The following PPFIBP2 variants were observed in gnomAD, a reference collection of about 807,000 sequenced individuals.
The protein encoded by PPFIBP2 is PPFIB scaffold protein 2.
PPFIBP2 carries 118 observed loss-of-function variants against 118.3 expected under a neutral mutation model. The ratio of observed to expected loss-of-function variants is 1.00; its 90% CI spans 0.86 to 1.16. The LOEUF is 1.16. PPFIBP2 is among the 50% of genes most tolerant of loss of function. The pLI is 0.00. For missense variants in PPFIBP2, 1,195 were observed against 1,073.1 expected, an observed-to-expected ratio of 1.11 and a Z score of -1.59; for synonymous variants, 414 against 397.4, an observed-to-expected ratio of 1.04 and a Z score of -0.50.
intron 3 of PPFIBP2, among the ~76,000 whole-genome samples, chr11:7,582,612 C>G (rs1317244618): frequency 1.3e-5 from 2 of 152,056 alleles, no homozygotes; most frequent in Admixed American, 1.3e-4. Flanking sequence ...TTGACTCATC[C>G]CTGCTTTTCT....
intron 5 of PPFIBP2, among the ~76,000 whole-genome samples, chr11:7,608,875 C>G (rs897759373): frequency 2.0e-5 from 3 of 152,230 alleles, no homozygotes; most frequent in African/African-American, 7.2e-5. Context: ...ATTGGACGCA[C>G]TCATCTGGCT....
intron 1 of PPFIBP2, among the ~76,000 whole-genome samples, chr11:7,525,937 A>G (rs1168485120): frequency 6.6e-6 from 1 of 152,198 alleles, no homozygotes; most frequent in Non-Finnish European, 1.5e-5. Context: ...TCAGGTGGGC[A>G]AGGTGGGCAG....
chr11:7,549,392 C>T (rs771187391), intron 1 of PPFIBP2, 48 bp from the exon 2 acceptor site: 49 of 1,504,522 alleles, frequency 3.3e-5, no homozygotes, highest in Non-Finnish European at 4.2e-5. Flanking sequence ...GTGTGCGTAA[C>T]ATGGAACTCT....
chr11:7,631,619 C>T (rs1475171227), intron 11 of PPFIBP2, among the ~76,000 whole-genome samples: 1 of 152,086 alleles, frequency 6.6e-6, no homozygotes, highest in East Asian at 1.9e-4. Flanking sequence ...TAAACAAGAC[C>T]TCAGGTGAAG....
At chr11:7,590,275 C>G (rs760970778) in intron 3 of PPFIBP2, among the ~76,000 whole-genome samples, 1 of 152,216 alleles carries the variant, frequency 6.6e-6, no homozygotes, top group Non-Finnish European at 1.5e-5. Flanking sequence ...CATGAAAACA[C>G]ATGGCTCTGA....
At chr11:7,605,670 G>T (rs1447885691) in intron 5 of PPFIBP2, 1 of 1,281,420 alleles carries the variant, frequency 7.8e-7, no homozygotes. Context: ...TTGATAAGGA[G>T]AACAATGTTG....
At chr11:7,515,985 C>A (rs1228622938) in intron 1 of PPFIBP2, among the ~76,000 whole-genome samples, 1 of 152,230 alleles carries the variant, frequency 6.6e-6, no homozygotes, top group African/African-American at 2.4e-5. Context: ...GTGTTTCTAA[C>A]AGATTCCCAG....
At chr11:7,644,624 A>T (rs1227138157) in intron 17 of PPFIBP2, among the ~76,000 whole-genome samples, 1 of 152,172 alleles carries the variant, frequency 6.6e-6, no homozygotes, top group Non-Finnish European at 1.5e-5. Context: ...TCATGAATGT[A>T]AAGATGCTTA....
intron 1 of PPFIBP2, among the ~76,000 whole-genome samples, chr11:7,516,545 C>A (rs988816255): frequency 6.6e-6 from 1 of 152,198 alleles, no homozygotes; most frequent in South Asian, 2.1e-4. Flanking sequence ...TGCCAACAGA[C>A]AACATGAGGC....
intron 1 of PPFIBP2, among the ~76,000 whole-genome samples, chr11:7,537,774 A>G (rs1324780448): frequency 2.6e-5 from 4 of 151,764 alleles, no homozygotes; most frequent in Non-Finnish European, 5.9e-5. Context: ...CCCCATCTCA[A>G]TTCTTCCCAA....
chr11:7,557,036 CTCTG>C (rs1158909890), intron 2 of PPFIBP2, among the ~76,000 whole-genome samples: 1 of 152,168 alleles, frequency 6.6e-6, no homozygotes, highest in African/African-American at 2.4e-5. Context: ...CTGCTTCATC[CTCTG>C]TATTCTTCTG....
intron 5 of PPFIBP2, chr11:7,605,650 A>G (rs995191714): frequency 1.6e-5 from 18 of 1,146,678 alleles, no homozygotes; most frequent in Non-Finnish European, 2.0e-5. Flanking sequence ...ACTCACCTCA[A>G]GGTACAGAGT....
rs1238081969 is a variant in PPFIBP2, at chr11:7,616,159, C to A, written c.619-4776C>A. Among the ~76,000 whole-genome samples the A allele has an allele frequency of 6.8e-6, 1 of 147,608 alleles. No individual in the cohort carries two copies. Among genetic ancestry groups the A allele is most frequent in the Non-Finnish European group, 1.5e-5 (1 of 68,020 alleles). Reference sequence around the variant, plus strand: ...ACACACATACACACGCACACACAAACACCCACACACAGTTATGTTCTTAAA... The same window carrying A: ...ACACACATACACACGCACACACAAAAACCCACACACAGTTATGTTCTTAAA... On this transcript the variant is annotated intron_variant, in intron 6 of 23. Coordinates refer to ENST00000299492, the MANE Select transcript of PPFIBP2 (RefSeq NM_003621.5). This position sits in a 1 kb window ranked among gnomAD's most constrained non-coding sequence, Gnocchi z 5.2.
chr11:7,666,019 TGCTGTCTGGGCTGCAGCA>T, the PPFIBP2 span: 57 of 1,041,560 alleles, frequency 5.5e-5, no homozygotes, highest in African/African-American at 3.1e-4. Flanking sequence ...GTTGCTGGGA[TGCTGTCTGGGCTGCAGCA>T]GCTGTCTGGG....
At chr11:7,557,318 T>C (rs143088927) in intron 2 of PPFIBP2, among the ~76,000 whole-genome samples, 1 of 152,252 alleles carries the variant, frequency 6.6e-6, no homozygotes, top group East Asian at 1.9e-4. Flanking sequence ...TATTTCTTCC[T>C]TTTCTCCTTT....
At position 7,556,682 on chromosome 11, in the gene PPFIBP2, G is replaced by A. The variant is rs1024040017; in HGVS notation, c.64+7143G>A. On this transcript the variant is annotated intron_variant, in intron 2 of 23. Transcript: ENST00000299492. ...TTCCTTAAAATTTGATAGTCTGTCA[G>A]TAATAGATTGTATTAGTCGTCATTT... is the stretch of plus-strand genomic sequence containing the variant. Among the ~76,000 whole-genome samples the A allele has an allele frequency of 9.2e-5, 14 of 152,234 alleles. 1 individual carries two copies. The South Asian group carries it at 1.7e-3, about 18-fold the overall frequency.
the PPFIBP2 span, chr11:7,665,828 G>T: frequency 2.0e-6 from 3 of 1,533,166 alleles, no homozygotes; most frequent in Non-Finnish European, 1.7e-6. Context: ...GAGGTATACC[G>T]AGGTGTGTGA....
chr11:7,628,433 A>G (rs1303074396), intron 9 of PPFIBP2, 87 bp downstream of exon 9: 8 of 1,217,560 alleles, frequency 6.6e-6, no homozygotes, highest in East Asian at 2.4e-5. Flanking sequence ...TATTCTGGAC[A>G]GGACCATGCT....
intron 15 of PPFIBP2, chr11:7,641,105 C>G (rs1035539690): frequency 4.9e-6 from 6 of 1,233,072 alleles, no homozygotes; most frequent in Non-Finnish European, 5.3e-6. Flanking sequence ...AGTGAGAATG[C>G]CTTTGTTTCC....
Sources: gnomAD v4.1 joint callset for allele counts (sites outside exome capture counted in the v4.1 genomes callset) on GRCh38, gnomAD v4.1.1 for gene constraint, Gnocchi (gnomAD v3.1) non-coding constraint, MANE v1.5 for transcripts, NCBI Gene and HGNC (gene_info 2026-07-23, HGNC 2026-07-21) for gene names.